DHX30: variants seen among roughly 807,000 people sequenced by gnomAD.
The protein encoded by DHX30 is DExH-box helicase 30.
DHX30 carries 4 observed loss-of-function variants against 116.9 expected under a neutral mutation model. The observed-to-expected ratio is 0.03, with a 90% CI of 0.02 to 0.08. The LOEUF is 0.08. DHX30 is among the 10% of genes least tolerant of loss of function. The pLI, the probability that DHX30 is intolerant of heterozygous loss-of-function variation, is 1.00. For synonymous variants in DHX30, 697 were observed against 651.7 expected, an observed-to-expected ratio of 1.07 and a Z score of -1.06; for missense variants, 871 against 1,595.1, an observed-to-expected ratio of 0.55 and a Z score of 7.73.
chr3:47,830,821 C>G (rs1359111774), intron 6 of DHX30: 1 of 152,352 alleles, frequency 6.6e-6, no homozygotes, highest in Non-Finnish European at 1.5e-5. Context: ...TCCCAAACTC[C>G]TGGTCTCAAG....
intron 3 of DHX30, chr3:47,816,130 T>C (rs773777428): frequency 6.1e-6 from 6 of 984,018 alleles, no homozygotes; most frequent in African/African-American, 1.7e-5. Flanking sequence ...TAACTCTATG[T>C]ATGTTTTCTG....
At chr3:47,807,213 A>G (rs772297083) in intron 2 of DHX30, among the ~76,000 whole-genome samples, 6 of 151,962 alleles carry the variant, frequency 3.9e-5, no homozygotes, top group Non-Finnish European at 7.4e-5. Flanking sequence ...TCTCAAAACA[A>G]AACACCATTA....
chr3:47,825,238 T>G, intron 4 of DHX30: 1 of 622,228 alleles, frequency 1.6e-6, no homozygotes, highest in Non-Finnish European at 2.9e-6. Flanking sequence ...CGACGGAAGC[T>G]TGGTGAACGG....
intron 4 of DHX30, among the ~76,000 whole-genome samples, chr3:47,826,373 A>G (rs919204901): frequency 3.3e-5 from 5 of 152,072 alleles, no homozygotes; most frequent in African/African-American, 7.2e-5. Context: ...TGATGCATCA[A>G]TTTTCCCCTT....
In DHX30 at chr3:47,846,671, C is replaced by G. The variant is rs752850145; in HGVS notation, c.1599C>G (p.Leu533=). 7 of 1,614,010 alleles carry G rather than the reference C, an allele frequency of 4.3e-6. No individual in the cohort carries two copies. The African/African-American group carries it at 8.0e-5, about 18-fold the overall frequency. ...SKPPSRGGAL[L]FCTVGILLRK... ...CCCCATCCCGAGGCGGGGCCCTGCT[C>G]TTCTGCACTGTGGGTATCCTGCTGC... Residue 533 remains leucine, a synonymous_variant, in exon 11 of 22, where the codon CTC becomes CTG. Transcript: ENST00000445061.
chr3:47,810,339 G>A (rs1360141833), intron 2 of DHX30, among the ~76,000 whole-genome samples: 1 of 152,180 alleles, frequency 6.6e-6, no homozygotes, highest in Non-Finnish European at 1.5e-5. Context: ...AACTGGGAAG[G>A]AAACCTGTAA....
chr3:47,821,239 A>G (rs546708435), intron 4 of DHX30, among the ~76,000 whole-genome samples: 25 of 152,076 alleles, frequency 1.6e-4, no homozygotes, highest in African/African-American at 5.3e-4. Context: ...TACAGGCATG[A>G]GCCACCATGC....
intron 6 of DHX30, among the ~76,000 whole-genome samples, chr3:47,829,956 C>G (rs1490811557): frequency 6.6e-6 from 1 of 151,494 alleles, no homozygotes; most frequent in African/African-American, 2.4e-5. Context: ...CTCAGCCTCC[C>G]AAGTAGCTGG....
chr3:47,828,648 G>A (rs943988460), intron 5 of DHX30, among the ~76,000 whole-genome samples: 14 of 151,904 alleles, frequency 9.2e-5, no homozygotes, highest in African/African-American at 3.1e-4. Flanking sequence ...GTGGGCACCT[G>A]TAGCCCCAGC....
At chr3:47,841,893 G>A in intron 8 of DHX30, 156 bp downstream of exon 8, 1 of 1,057,596 alleles carries the variant, frequency 9.5e-7, no homozygotes, top group Non-Finnish European at 1.4e-6. Flanking sequence ...AAAAGCAGCA[G>A]GTGTGATGGA....
At chr3:47,824,980 G>A (rs2036478168) in intron 4 of DHX30, 3 of 512,906 alleles carry the variant, frequency 5.8e-6, no homozygotes, top group African/African-American at 2.0e-5. Context: ...CGGGCCGGCC[G>A]CTCCCGTTCT....
chr3:47,806,697 G>A (rs1427716434), intron 2 of DHX30, among the ~76,000 whole-genome samples: 1 of 147,078 alleles, frequency 6.8e-6, no homozygotes, highest in Non-Finnish European at 1.5e-5. Flanking sequence ...CACCTGCTTC[G>A]GCCTCCCAAA....
At chr3:47,831,450 C>A (rs2036844757) in intron 6 of DHX30, among the ~76,000 whole-genome samples, 2 of 152,096 alleles carry the variant, frequency 1.3e-5, no homozygotes. Flanking sequence ...GGGCAGATAC[C>A]CAGACTGTAA....
intron 3 of DHX30, 98 bp downstream of exon 3, chr3:47,810,809 A>G: frequency 7.7e-7 from 1 of 1,293,588 alleles, no homozygotes; most frequent in Non-Finnish European, 1.1e-6. Flanking sequence ...TAGTTCTTGC[A>G]CATTTCTTTG....
chr3:47,849,222 A>G lies in DHX30; in HGVS notation c.2960A>G (p.Tyr987Cys). ...GLIKQFSENI[Y>C]EAFLVGKPSD... ...ATCAAGCAGTTCTCAGAGAACATTT[A>G]TGAGGCCTTCCTGGTGGGGAAGCCC... The change falls in exon 19 of 22, where the codon TAT (tyrosine) becomes TGT (cysteine). Residue 987 changes from tyrosine to cysteine, a missense_variant. By Grantham distance (194) the Tyr-to-Cys change is radical. Coordinates refer to ENST00000445061, the MANE Select transcript of DHX30 (RefSeq NM_138615.3). 2 of 1,614,046 alleles carry G rather than the reference A, an allele frequency of 1.2e-6. No homozygotes were observed. Among genetic ancestry groups the G allele is most frequent in the Non-Finnish European group, 1.7e-6 (2 of 1,179,982 alleles).
rs1437689533 is a variant in DHX30 at position 47,847,201 on chromosome 3, T to C, written c.1930-72T>C. 3.3e-5 allele frequency: 52 copies of C among 1,590,612 alleles called. No individual in the cohort carries two copies. Among genetic ancestry groups the C allele is most frequent in the Non-Finnish European group, 4.5e-5 (52 of 1,159,274 alleles). ...TGTCAAGCGGCTCCGTCTCACTGAG[T>C]CAGGTGGCTGTGTCCTTGGCATGAC... On this transcript the variant is annotated intron_variant, in intron 11 of 21. Transcript: ENST00000445061. This position sits in a 1 kb window ranked among gnomAD's most constrained non-coding sequence, Gnocchi z 5.5.
In DHX30 at chr3:47,817,938, G is replaced by A. The variant is rs1576471258; in HGVS notation, c.29-84G>A. 6.4e-6 allele frequency: 5 copies of A among 779,782 alleles called. No individual in the cohort carries two copies. In the South Asian group the frequency reaches 6.7e-5, roughly 10 times the overall value. 48.3% of individuals were successfully genotyped at this position (779,782 alleles called of 1,614,324 possible). On this transcript the variant is annotated intron_variant, in intron 3 of 21. Coordinates refer to ENST00000445061, the MANE Select transcript of DHX30 (RefSeq NM_138615.3). Reference sequence around the variant, plus strand: ...AGCCCTGTTGCCCAGAGCTCCTCACGGATGCTCTGAGTGAGTCAGTTCAGG... The same window carrying A: ...AGCCCTGTTGCCCAGAGCTCCTCACAGATGCTCTGAGTGAGTCAGTTCAGG...
At chr3:47,811,220 C>T (rs1326949860) in intron 3 of DHX30, among the ~76,000 whole-genome samples, 1 of 151,970 alleles carries the variant, frequency 6.6e-6, no homozygotes. Context: ...TCCCAAAGTG[C>T]TGGGATTACA....
chr3:47,808,221 T>C (rs184895273), intron 2 of DHX30, among the ~76,000 whole-genome samples: 2 of 151,856 alleles, frequency 1.3e-5, no homozygotes, highest in Admixed American at 6.6e-5. Flanking sequence ...ACTTTTTGTT[T>C]TTTTTTTTTA....
Sources: allele counts gnomAD v4.1 joint callset (sites outside exome capture counted in the v4.1 genomes callset), GRCh38; gene constraint gnomAD v4.1.1; non-coding constraint Gnocchi (gnomAD v3.1); transcripts MANE v1.5; gene names NCBI Gene and HGNC (gene_info 2026-07-23, HGNC 2026-07-21).